SYNJ1: variants seen among roughly 807,000 people sequenced by gnomAD.
The protein encoded by SYNJ1 is synaptojanin 1, also known as polyphosphatidylinositol phosphatase SYNJ1.
A neutral mutation model predicts 168.2 loss-of-function variants in SYNJ1; 78 were observed. That is an observed-to-expected ratio of 0.46 (90% CI 0.39 to 0.56). The LOEUF (loss-of-function observed/expected upper bound fraction) is 0.56, where lower values mean the gene tolerates loss of function less well. Ranked by LOEUF, SYNJ1 falls within the 20% of genes least tolerant of loss-of-function variation. SYNJ1 has a pLI of 0.00. For missense variants in SYNJ1, 1,303 were observed against 1,597.6 expected (o/e 0.82, Z 3.14); for synonymous variants, 539 against 548.6 (o/e 0.98, Z 0.24).
At chr21:32,679,778 T>C (rs1402905599) in intron 11 of SYNJ1, among the ~76,000 whole-genome samples, 1 of 152,074 alleles carries the variant, frequency 6.6e-6, no homozygotes, top group African/African-American at 2.4e-5. Context: ...TTCTATATAA[T>C]AGCATATGCA....
chr21:32,646,637 A>G, intron 23 of SYNJ1, 35 bp from the exon 24 acceptor site: 1 of 1,537,654 alleles, frequency 6.5e-7, no homozygotes, highest in Non-Finnish European at 9.0e-7. Flanking sequence ...AGATAACTCC[A>G]TTTTAACTTG....
In SYNJ1 at chr21:32,673,286, T is replaced by C. The variant is rs1276149907; in HGVS notation, c.1726+54A>G. The C allele has an allele frequency of 2.7e-6, 4 of 1,476,078 alleles. No homozygotes were observed. In the East Asian group the frequency reaches 7.1e-5, roughly 26 times the overall value. 91.4% of individuals were successfully genotyped at this position (1,476,078 alleles called of 1,614,324 possible). A position where few individuals can be genotyped will look rare whatever the true frequency, so the allele number is the denominator to read the frequency against. On this transcript the variant is annotated intron_variant, in intron 14 of 32. Coordinates refer to ENST00000674351, the MANE Select transcript of SYNJ1 (RefSeq NM_203446.3). ...TGAAGTGCTATATTTGTTTTCTAGA[T>C]CAATACAACACAGTCAGGATTTATT...
In SYNJ1 at chr21:32,681,486, C is replaced by T. The variant is rs2041621906; in HGVS notation, c.1353+10G>A. On this transcript the variant is annotated intron_variant, in intron 11 of 32. Transcript: ENST00000674351. ...GATATTCTGTAATGTTATGATAGAT[C>T]TAGATATACCTTCGCTTTCCCTTCA... The T allele has an allele frequency of 6.2e-7, 1 of 1,605,962 alleles. No individual in the cohort carries two copies. The highest frequency in any genetic ancestry group is 1.7e-5 in the Admixed American group (1 of 59,254).
chr21:32,665,006 G>C lies in SYNJ1; in HGVS notation c.2211C>G (p.Leu737=), dbSNP rs1447064747. ...WCGDFNYRID[L]PNEEVKELIR... ...TGAGCTCTTTAACTTCTTCGTTAGG[G>C]AGATCGATTCGATAGTTGAAATCAC... The change falls in exon 18 of 33, where the codon CTC becomes CTG. Residue 737 remains leucine, a synonymous_variant. Coordinates refer to ENST00000674351, the MANE Select transcript of SYNJ1 (RefSeq NM_203446.3). 1.2e-6 allele frequency: 2 copies of C among 1,613,480 alleles called. No individual in the cohort carries two copies. Among genetic ancestry groups the C allele is most frequent in the African/African-American group, 2.7e-5 (2 of 74,926 alleles).
intron 12 of SYNJ1, 52 bp from the exon 13 acceptor site, chr21:32,676,407 A>T (rs747385224): frequency 6.4e-7 from 1 of 1,563,374 alleles, no homozygotes; most frequent in South Asian, 1.2e-5. Flanking sequence ...AACAAGTTAC[A>T]ATTAAAATGT....
At chr21:32,696,252 G>T (rs1453038359) in intron 4 of SYNJ1, among the ~76,000 whole-genome samples, 1 of 152,218 alleles carries the variant, frequency 6.6e-6, no homozygotes, top group Non-Finnish European at 1.5e-5. Context: ...ATTAGATAGT[G>T]CAGGCATAGG....
Position 32,681,619 on chromosome 21 carries a change from A to G in SYNJ1, c.1230T>C (p.Gly410=). 6.2e-7 allele frequency: 1 copy of G among 1,613,828 alleles called. No individual in the cohort carries two copies. Among genetic ancestry groups the G allele is most frequent in the Non-Finnish European group, 8.5e-7 (1 of 1,179,822 alleles). The change falls in exon 11 of 33, where the codon GGT becomes GGC. Residue 410 remains glycine, a synonymous_variant. Transcript: ENST00000674351. ...EMLAKQLEAL[G]LAEKPQLVTR... ...TCACCAACTGAGGCTTTTCAGCTAA[A>G]CCAAGAGCTTCCAACTGTTTAGCTA...
At position 32,688,307 on chromosome 21, in the gene SYNJ1, T is replaced by C; in HGVS notation, c.850A>G (p.Arg284Gly). The C allele has an allele frequency of 6.2e-7, 1 of 1,613,200 alleles. No individual in the cohort carries two copies. ...AGCACTATGTAAAAATTGTCTTACCTGTCAAAAGCAGGTGCATTGGCTTCA... is the reference window on the plus strand; with the variant it reads ...AGCACTATGTAAAAATTGTCTTACCCGTCAAAAGCAGGTGCATTGGCTTCA... Reference protein sequence around the residue: ...GFEANAPAFDRHFRTLKNLYG... With the variant: ...GFEANAPAFDGHFRTLKNLYG... The change falls in exon 7 of 33, where the codon AGG becomes GGG. Residue 284 changes from arginine to glycine, a missense_variant and splice_region_variant. Coordinates refer to ENST00000674351, the MANE Select transcript of SYNJ1 (RefSeq NM_203446.3).
intron 22 of SYNJ1, 45 bp downstream of exon 22, chr21:32,653,243 A>T (rs757933914): frequency 1.0e-5 from 15 of 1,447,020 alleles, no homozygotes; most frequent in Non-Finnish European, 1.4e-5. Flanking sequence ...CCATCTTCAG[A>T]CATTTAATTT....
rs753509065 is a variant in SYNJ1 at position 32,631,230 on chromosome 21, G to C, written c.*575C>G. ...CAGTAAGTCTGAACAAGCTGACTTT[G>C]ACTTCCCTTTCACACCAAAATCCTC... On this transcript the variant is annotated 3_prime_UTR_variant, in exon 33 of 33. Coordinates refer to ENST00000674351, the MANE Select transcript of SYNJ1 (RefSeq NM_203446.3). 16 of 1,614,076 alleles carry C rather than the reference G, an allele frequency of 9.9e-6. No homozygotes were observed. Among genetic ancestry groups the C allele is most frequent in the Non-Finnish European group, 1.2e-5 (14 of 1,180,056 alleles).
At chr21:32,658,932 G>C (rs1264851160) in intron 18 of SYNJ1, among the ~76,000 whole-genome samples, 1 of 152,138 alleles carries the variant, frequency 6.6e-6, no homozygotes, top group Non-Finnish European at 1.5e-5. Flanking sequence ...TGATCTTTGA[G>C]CTATATGAGA....
At chr21:32,659,182 C>A (rs1601318204) in intron 18 of SYNJ1, among the ~76,000 whole-genome samples, 1 of 143,320 alleles carries the variant, frequency 7.0e-6, no homozygotes, top group South Asian at 2.3e-4. Context: ...GACATAGAAA[C>A]AAAAGAAAAG....
intron 8 of SYNJ1, among the ~76,000 whole-genome samples, chr21:32,686,696 T>A (rs2041848868): frequency 6.6e-6 from 1 of 152,160 alleles, no homozygotes; most frequent in African/African-American, 2.4e-5. Context: ...CAGATAAACA[T>A]TTTTGGCAAG....
intron 2 of SYNJ1, among the ~76,000 whole-genome samples, chr21:32,711,579 C>T (rs1260145308): frequency 6.6e-6 from 1 of 152,190 alleles, no homozygotes; most frequent in African/African-American, 2.4e-5. Flanking sequence ...ATCTGCCCAC[C>T]TCAGCCTCCC....
intron 32 of SYNJ1, among the ~76,000 whole-genome samples, chr21:32,633,400 T>G (rs74602014): frequency 0.013 from 2,009 of 152,304 alleles, 40 homozygotes; most frequent in African/African-American, 0.045. Context: ...CTATGATTCT[T>G]GCCTCATAAG....
intron 9 of SYNJ1, 45 bp from the exon 10 acceptor site, chr21:32,684,164 G>A (rs765951125): frequency 1.3e-6 from 2 of 1,571,694 alleles, no homozygotes; most frequent in South Asian, 1.1e-5. Context: ...CAAAAATAAA[G>A]CTAAAACAAA....
In SYNJ1 at chr21:32,634,939, C is replaced by T; in HGVS notation, c.3916-55G>A. 4 of 1,580,518 alleles carry T rather than the reference C, an allele frequency of 2.5e-6. No homozygotes were observed. The Admixed American group carries it at 5.0e-5, about 20-fold the overall frequency. ...AAGAGTTAGGAGGACAATCCGAGAT[C>T]AACCAGCAACCCTAACAATTCAGTC... On this transcript the variant is annotated intron_variant, in intron 31 of 32. Coordinates refer to ENST00000674351, the MANE Select transcript of SYNJ1 (RefSeq NM_203446.3).
chr21:32,664,915 G>C lies in SYNJ1; in HGVS notation c.2302C>G (p.Gln768Glu), dbSNP rs200612458. ...DQLINQKNAG[Q>E]VFRGFLEGKV... is the part of the protein sequence containing the mutation. ...TATTTTCTCAAGTATAGATATACCT[G>C]TCCAGCATTTTTCTGATTGATAAGT... Residue 768 changes from glutamine (Q) to glutamate (E), a missense_variant and splice_region_variant, in exon 18 of 33, where the codon CAG becomes GAG. This residue lies in a region of SYNJ1 where 920 missense variants were observed against 1,208.8 expected (regional missense o/e 0.76). Coordinates refer to ENST00000674351, the MANE Select transcript of SYNJ1 (RefSeq NM_203446.3). 2.4e-5 allele frequency: 39 copies of C among 1,606,910 alleles called. No homozygotes were observed. Among genetic ancestry groups the C allele is most frequent in the Admixed American group, 1.7e-5 (1 of 59,240 alleles).
chr21:32,727,945 C>A lies in SYNJ1; in HGVS notation c.-23+1G>T. The A allele has an allele frequency of 6.5e-7, 1 of 1,533,272 alleles. No individual in the cohort carries two copies. Among genetic ancestry groups the A allele is most frequent in the Non-Finnish European group, 8.7e-7 (1 of 1,145,876 alleles). The allele number at this position is 1,533,272 out of a possible 1,614,324, so 95.0% of individuals were successfully genotyped here. A position where few individuals can be genotyped will look rare whatever the true frequency, so the allele number is the denominator to read the frequency against. ...TCCCCGCCCCCCGCCGGCTTGCTCA[C>A]CTCTTCCTCCGGCTCCTCCTCCTCC... On this transcript the variant is annotated splice_donor_variant, in intron 1 of 32. Transcript: ENST00000674351. LOFTEE classifies it low-confidence loss of function (5UTR_SPLICE).
Sources: gnomAD v4.1 joint callset for allele counts (sites outside exome capture counted in the v4.1 genomes callset) on GRCh38, gnomAD v4.1.1 for gene constraint, gnomAD v4.1.1 regional missense constraint, MANE v1.5 for transcripts, NCBI Gene and HGNC (gene_info 2026-07-23, HGNC 2026-07-21) for gene names.